PPP2R2B: variants seen among roughly 807,000 people sequenced by gnomAD.
PPP2R2B encodes protein phosphatase 2 regulatory subunit Bbeta, also known as serine/threonine-protein phosphatase 2A 55 kDa regulatory subunit B beta isoform.
In PPP2R2B, 5 loss-of-function variants were observed where a neutral mutation model predicts 46.0. The ratio of observed to expected loss-of-function variants is 0.11; its 90% confidence interval spans 0.06 to 0.23. The LOEUF is 0.23. PPP2R2B is among the 10% of genes least tolerant of loss of function. The pLI, the probability that PPP2R2B is intolerant of heterozygous loss-of-function variation, is 1.00. For missense variants in PPP2R2B, 367 were observed against 575.0 expected (o/e 0.64, Z 3.70); for synonymous variants, 215 against 206.7 (o/e 1.04, Z -0.34).
intron 6 of PPP2R2B, among the ~76,000 whole-genome samples, chr5:146,645,997 A>G (rs1581783367): frequency 6.6e-6 from 1 of 152,292 alleles, no homozygotes; most frequent in Non-Finnish European, 1.5e-5. Context: ...CCTCTTTCAG[A>G]TCTTAACTAA....
intron 5 of PPP2R2B, among the ~76,000 whole-genome samples, chr5:146,683,182 C>T (rs181257431): frequency 1.3e-5 from 2 of 152,264 alleles, no homozygotes; most frequent in African/African-American, 4.8e-5. Context: ...ACCCTTCCTA[C>T]CCCGCCTTTT....
At chr5:146,804,700 T>G (rs767696833) in intron 2 of PPP2R2B, among the ~76,000 whole-genome samples, 1 of 152,172 alleles carries the variant, frequency 6.6e-6, no homozygotes, top group African/African-American at 2.4e-5. Flanking sequence ...TCTGATATTA[T>G]TATATATTAG....
At chr5:147,039,163 A>G (rs929195446) in intron 1 of PPP2R2B, among the ~76,000 whole-genome samples, 3 of 152,090 alleles carry the variant, frequency 2.0e-5, no homozygotes, top group African/African-American at 7.2e-5. Flanking sequence ...GCTCAAATGC[A>G]CCTCTTCAGA....
chr5:146,835,210 TTAA>T (rs769914666), intron 2 of PPP2R2B, among the ~76,000 whole-genome samples: 16 of 152,314 alleles, frequency 1.1e-4, no homozygotes, highest in East Asian at 5.8e-4. Context: ...TTTTGATGAC[TTAA>T]TAATAATTCA....
chr5:146,905,292 T>C (rs544854608), intron 1 of PPP2R2B, among the ~76,000 whole-genome samples: 16 of 152,158 alleles, frequency 1.1e-4, no homozygotes, highest in Non-Finnish European at 2.2e-4. Context: ...TAGGAAGAAA[T>C]AAAAACATAT....
intron 1 of PPP2R2B, among the ~76,000 whole-genome samples, chr5:147,015,616 T>C (rs1426391737): frequency 6.6e-6 from 1 of 151,630 alleles, no homozygotes; most frequent in Non-Finnish European, 1.5e-5. Flanking sequence ...CACAACACAG[T>C]ATTGCAGAGA....
At chr5:146,877,426 A>C (rs1450481623) in intron 2 of PPP2R2B, among the ~76,000 whole-genome samples, 1 of 152,186 alleles carries the variant, frequency 6.6e-6, no homozygotes, top group African/African-American at 2.4e-5. Flanking sequence ...GCTGCCCGCC[A>C]GAGCACTATT....
intron 2 of PPP2R2B, among the ~76,000 whole-genome samples, chr5:146,709,351 T>C (rs774539237): frequency 6.6e-6 from 1 of 152,206 alleles, no homozygotes; most frequent in Non-Finnish European, 1.5e-5. Context: ...TGTTATGTCA[T>C]GGCAGATACT....
intron 5 of PPP2R2B, among the ~76,000 whole-genome samples, chr5:146,661,457 T>C (rs984968115): frequency 6.6e-6 from 1 of 152,044 alleles, no homozygotes; most frequent in African/African-American, 2.4e-5. Flanking sequence ...CATATATACA[T>C]AAATATATAA....
chr5:146,714,796 C>T (rs1206648817), intron 2 of PPP2R2B, among the ~76,000 whole-genome samples: 1 of 140,670 alleles, frequency 7.1e-6, no homozygotes, highest in Non-Finnish European at 1.5e-5. Context: ...AATAAAAGAC[C>T]TCTTGATTTT....
intron 7 of PPP2R2B, among the ~76,000 whole-genome samples, chr5:146,620,057 A>G (rs1158913190): frequency 2.6e-5 from 4 of 152,174 alleles, no homozygotes; most frequent in African/African-American, 9.7e-5. Flanking sequence ...AATTATCTCT[A>G]TATTATGGCT....
chr5:146,787,114 C>A (rs868456167), intron 2 of PPP2R2B, among the ~76,000 whole-genome samples: 1 of 152,160 alleles, frequency 6.6e-6, no homozygotes, highest in Admixed American at 6.5e-5. Context: ...AACACACACA[C>A]AAAAATAGTG....
At chr5:147,002,845 C>G (rs954006284) in intron 1 of PPP2R2B, among the ~76,000 whole-genome samples, 1 of 152,090 alleles carries the variant, frequency 6.6e-6, no homozygotes, top group Non-Finnish European at 1.5e-5. Flanking sequence ...GGGGGAGAAA[C>G]AAACCAAAAC....
At chr5:147,072,498 T>C (rs956032545) in intron 2 of PPP2R2B, among the ~76,000 whole-genome samples, 2 of 152,186 alleles carry the variant, frequency 1.3e-5, no homozygotes, top group African/African-American at 4.8e-5. Flanking sequence ...TCACAGTAGC[T>C]GAGAATAACA....
intron 2 of PPP2R2B, among the ~76,000 whole-genome samples, chr5:147,079,552 A>G (rs1467430038): frequency 6.6e-6 from 1 of 151,202 alleles, no homozygotes; most frequent in African/African-American, 2.4e-5. Context: ...GAAAGGCATT[A>G]TTAACATAGT....
chr5:146,581,777 C>G lies in PPP2R2B; in HGVS notation c.*8170G>C, dbSNP rs1769907481. 1 of 152,168 alleles carries G rather than the reference C, an allele frequency of 6.6e-6. No homozygotes were observed. Among genetic ancestry groups the G allele is most frequent in the Admixed American group, 6.5e-5 (1 of 15,270 alleles). 9.4% of individuals were successfully genotyped at this position (152,168 alleles called of 1,614,324 possible). On this transcript the variant is annotated 3_prime_UTR_variant, in exon 10 of 10. Transcript: ENST00000394411. ...GAAATAGATTGTCTTTAATATGCAA[C>G]TATGATTGTTTGCTGTTCTCTTTAT...
At chr5:146,824,199 T>C (rs1244053923) in intron 2 of PPP2R2B, among the ~76,000 whole-genome samples, 2 of 152,232 alleles carry the variant, frequency 1.3e-5, no homozygotes, top group Admixed American at 1.3e-4. Flanking sequence ...TTATTGAACA[T>C]GAGGCTATTT....
chr5:147,017,804 A>G (rs1755074351), intron 1 of PPP2R2B, among the ~76,000 whole-genome samples: 1 of 152,122 alleles, frequency 6.6e-6, no homozygotes, highest in Admixed American at 6.6e-5. Flanking sequence ...GCCACTTGGA[A>G]AAGATGATGT....
rs1581650933 is a variant in PPP2R2B at position 146,589,079 on chromosome 5, A to G, written c.*868T>C. 6.6e-6 allele frequency: 1 copy of G among 152,252 alleles called. No individual in the cohort carries two copies. Among genetic ancestry groups the G allele is most frequent in the East Asian group, 1.9e-4 (1 of 5,194 alleles). The allele number at this position is 152,252 out of a possible 1,614,324, so 9.4% of individuals were successfully genotyped here. A position where few individuals can be genotyped will look rare whatever the true frequency, so the allele number is the denominator to read the frequency against. On this transcript the variant is annotated 3_prime_UTR_variant, in exon 10 of 10. Transcript: ENST00000394411. The stretch of plus-strand genomic sequence containing the variant: ...ACCCAGGACTCGGCCTTTAGAAGTC[A>G]ATGGAATAAATAAGCTGGAAAAGGT...
Sources: allele counts gnomAD v4.1 joint callset (sites outside exome capture counted in the v4.1 genomes callset), GRCh38; gene constraint gnomAD v4.1.1; transcripts MANE v1.5; gene names NCBI Gene and HGNC (gene_info 2026-07-23, HGNC 2026-07-21).